Variants in C10orf105 observed in about 807,000 individuals in gnomAD.
C10orf105 encodes uncharacterized protein C10orf105.
Under a neutral mutation model 0.6 loss-of-function variants are expected in C10orf105, and 2 were observed. The observed-to-expected ratio is 3.18, with a 90% CI of 1.30 to 10.01. The LOEUF is 10.01. Among genes scored for constraint, C10orf105 ranks in the 30% most tolerant of loss-of-function variants. C10orf105 has a pLI of 0.04. For synonymous variants in C10orf105, 95 were observed against 82.4 expected (o/e 1.15, Z -0.83); for missense variants, 209 against 191.4 (o/e 1.09, Z -0.54).
At chr10:71,735,480 GGATGGCATC>G (rs1839537910) in intron 1 of C10orf105, among the ~76,000 whole-genome samples, 2 of 152,058 alleles carry the variant, frequency 1.3e-5, no homozygotes, top group Non-Finnish European at 2.9e-5. Context: ...GAGGTCCATG[GGATGGCATC>G]CTGTGGTGAT....
intron 1 of C10orf105, chr10:71,725,332 G>A: frequency 6.2e-7 from 1 of 1,613,872 alleles, no homozygotes; most frequent in Non-Finnish European, 8.5e-7. Context: ...GAGACTTCTG[G>A]GCAGGGCCGG....
At chr10:71,732,756 T>TCGGCGACCACCGAGA in intron 1 of C10orf105, 1 of 1,090,836 alleles carries the variant, frequency 9.2e-7, no homozygotes, top group Non-Finnish European at 1.1e-6. Flanking sequence ...TCCTTCTGTT[T>TCGGCGACCACCGAGA]TCACACCCAT....
chr10:71,732,330 C>T (rs1222468124), intron 1 of C10orf105: 1 of 1,589,290 alleles, frequency 6.3e-7, no homozygotes, highest in Non-Finnish European at 8.6e-7. Flanking sequence ...TCAACGCCTA[C>T]ACCAGCACCC....
chr10:71,731,955 T>C (rs1401515134), intron 1 of C10orf105: 2 of 1,602,474 alleles, frequency 1.2e-6, no homozygotes, highest in South Asian at 1.1e-5. Context: ...CAGTTCTATC[T>C]GGGACTGCAC....
intron 1 of C10orf105, among the ~76,000 whole-genome samples, chr10:71,731,018 C>T (rs1483373716): frequency 6.6e-6 from 1 of 152,230 alleles, no homozygotes; most frequent in Non-Finnish European, 1.5e-5. Context: ...CTAGCACACG[C>T]AGACCCCCTG....
Position 71,712,871 on chromosome 10 carries a change from C to A in C10orf105, c.*3065G>T. 6.3e-7 allele frequency: 1 copy of A among 1,575,784 alleles called. No individual in the cohort carries two copies. The highest frequency in any genetic ancestry group is 8.6e-7 in the Non-Finnish European group (1 of 1,157,726). On this transcript the variant is annotated 3_prime_UTR_variant, in exon 2 of 2. Coordinates refer to ENST00000441508, the MANE Select transcript of C10orf105 (RefSeq NM_001164375.3). ...GGGCTGGGGGAGGCGGAGCCACACA[C>A]GGCCCTGAGGGCACATGCTCAGTGG...
At chr10:71,720,095 A>T (rs1866482430), upstream of C10orf105, among the ~76,000 whole-genome samples, 1 of 152,180 alleles carries the variant, frequency 6.6e-6, no homozygotes, top group South Asian at 2.1e-4. Context: ...GAGGTTCGCT[A>T]TTCAGTGCCT....
chr10:71,718,714 AC>A (rs1866407992), intron 1 of C10orf105, among the ~76,000 whole-genome samples: 1 of 152,150 alleles, frequency 6.6e-6, no homozygotes, highest in African/African-American at 2.4e-5. Flanking sequence ...GAATCTGGAG[AC>A]CCTACTGGGC....
Position 71,715,880 on chromosome 10 carries a change from A to G in C10orf105, c.*56T>C. 1 of 1,414,838 alleles carries G rather than the reference A, an allele frequency of 7.1e-7. No individual in the cohort carries two copies. The highest frequency in any genetic ancestry group is 2.7e-5 in the East Asian group (1 of 36,948). 87.6% of individuals were successfully genotyped at this position (1,414,838 alleles called of 1,614,324 possible). A position where few individuals can be genotyped will look rare whatever the true frequency, so the allele number is the denominator to read the frequency against. ...AGCCTGCAGCACCGGTCTCTGAAGC[A>G]GGAGGATCTACAGGTAGACCTAGGG... is the stretch of plus-strand genomic sequence containing the variant. On this transcript the variant is annotated 3_prime_UTR_variant, in exon 2 of 2. Coordinates refer to ENST00000441508, the MANE Select transcript of C10orf105 (RefSeq NM_001164375.3).
intron 1 of C10orf105, chr10:71,716,643 T>A (rs1866257886): frequency 3.3e-6 from 1 of 303,812 alleles, no homozygotes; most frequent in South Asian, 1.2e-4. Flanking sequence ...TCAATCCTCA[T>A]GAATCATCAC....
At chr10:71,722,530 G>T (rs917048664), upstream of C10orf105, among the ~76,000 whole-genome samples, 1 of 152,224 alleles carries the variant, frequency 6.6e-6, no homozygotes, top group African/African-American at 2.4e-5. Flanking sequence ...CTGTGTGCCA[G>T]GATTGTTGTT....
chr10:71,715,879 C>T lies in C10orf105; in HGVS notation c.*57G>A. The T allele has an allele frequency of 1.4e-6, 2 of 1,415,156 alleles. No homozygotes were observed. Among genetic ancestry groups the T allele is most frequent in the South Asian group, 3.1e-5 (2 of 65,178 alleles). 87.7% of individuals were successfully genotyped at this position (1,415,156 alleles called of 1,614,324 possible). On this transcript the variant is annotated 3_prime_UTR_variant, in exon 2 of 2. Transcript: ENST00000441508. ...CAGCCTGCAGCACCGGTCTCTGAAG[C>T]AGGAGGATCTACAGGTAGACCTAGG...
upstream of C10orf105, chr10:71,724,222 A>C (rs1359912343): frequency 6.6e-6 from 7 of 1,057,134 alleles, no homozygotes; most frequent in Non-Finnish European, 9.9e-6. Context: ...GGCCATATAC[A>C]TGGGGCGAGG....
chr10:71,729,906 T>C (rs560387515), intron 1 of C10orf105, among the ~76,000 whole-genome samples: 14 of 151,850 alleles, frequency 9.2e-5, no homozygotes, highest in African/African-American at 2.7e-4. Flanking sequence ...GCGATCTTGG[T>C]TCACTGCAAC....
chr10:71,726,950 G>C (rs1866839496), intron 1 of C10orf105, among the ~76,000 whole-genome samples: 1 of 152,138 alleles, frequency 6.6e-6, no homozygotes, highest in Non-Finnish European at 1.5e-5. Context: ...AGCATCCCAG[G>C]GTACAGTGTA....
At chr10:71,724,032 C>T, upstream of C10orf105, 1 of 1,555,356 alleles carries the variant, frequency 6.4e-7, no homozygotes, top group Non-Finnish European at 8.7e-7. Flanking sequence ...ACTCGTGTCT[C>T]ATTCTTCCTC....
intron 1 of C10orf105, among the ~76,000 whole-genome samples, chr10:71,730,847 TGAG>T (rs1839352881): frequency 6.6e-6 from 1 of 152,134 alleles, no homozygotes; most frequent in Non-Finnish European, 1.5e-5. Context: ...GCCACAAGCT[TGAG>T]AAGTCCAGCT....
upstream of C10orf105, among the ~76,000 whole-genome samples, chr10:71,719,978 G>A (rs1367728655): frequency 6.6e-6 from 1 of 152,246 alleles, no homozygotes; most frequent in African/African-American, 2.4e-5. Flanking sequence ...CCTCTCAGGG[G>A]TGGAAGACTC....
At chr10:71,732,129 T>C in intron 1 of C10orf105, 1 of 1,614,026 alleles carries the variant, frequency 6.2e-7, no homozygotes, top group Non-Finnish European at 8.5e-7. Context: ...TGTCGGCCAC[T>C]GACCAGGCCC....
Sources: allele counts gnomAD v4.1 joint callset (sites outside exome capture counted in the v4.1 genomes callset), GRCh38; gene constraint gnomAD v4.1.1; transcripts MANE v1.5; gene names NCBI Gene and HGNC (gene_info 2026-07-23, HGNC 2026-07-21).